Variants in TAF4 observed in about 807,000 individuals in gnomAD.
The protein encoded by TAF4 is transcription initiation factor TFIID subunit 4.
TAF4 carries 9 observed loss-of-function variants against 90.3 expected under a neutral mutation model. The observed-to-expected ratio is 0.10, with a 90% CI of 0.06 to 0.17. The LOEUF (loss-of-function observed/expected upper bound fraction) is 0.17, where lower values mean the gene tolerates loss of function less well. TAF4 is among the 10% of genes least tolerant of loss of function. The probability of loss-of-function intolerance (pLI) is 1.00; values close to 1 mark genes in which losing one functional copy is unlikely to be tolerated. For missense variants in TAF4, 1,351 were observed against 1,370.7 expected, an observed-to-expected ratio of 0.99 and a Z score of 0.23; for synonymous variants, 818 against 638.9, an observed-to-expected ratio of 1.28 and a Z score of -4.23.
intron 1 of TAF4, among the ~76,000 whole-genome samples, chr20:62,046,446 T>C (rs1262839459): frequency 1.3e-5 from 2 of 152,248 alleles, no homozygotes; most frequent in African/African-American, 2.4e-5. Flanking sequence ...AATGAAATTG[T>C]GCGATAGGCG....
At chr20:62,038,975 C>G (rs1236802501) in intron 1 of TAF4, among the ~76,000 whole-genome samples, 1 of 152,192 alleles carries the variant, frequency 6.6e-6, no homozygotes, top group East Asian at 1.9e-4. Flanking sequence ...CTCACTTGAA[C>G]CCGGGAGTCG....
chr20:62,021,533 G>A (rs2055843065), intron 1 of TAF4, among the ~76,000 whole-genome samples: 1 of 152,250 alleles, frequency 6.6e-6, no homozygotes, highest in Non-Finnish European at 1.5e-5. Context: ...AGGGCCGTGC[G>A]CGCCCAACGC....
At chr20:62,025,711 A>G (rs1004773012) in intron 1 of TAF4, among the ~76,000 whole-genome samples, 2 of 152,202 alleles carry the variant, frequency 1.3e-5, no homozygotes, top group African/African-American at 4.8e-5. Flanking sequence ...TCTTTCCTTT[A>G]TAAGTCACCC....
Position 62,006,916 on chromosome 20 carries a change from A to G in TAF4, c.1975-158T>C. 1.0e-6 allele frequency: 1 copy of G among 1,003,732 alleles called. No individual in the cohort carries two copies. Among genetic ancestry groups the G allele is most frequent in the South Asian group, 4.0e-5 (1 of 25,084 alleles). 62.2% of individuals were successfully genotyped at this position (1,003,732 alleles called of 1,614,324 possible). A position where few individuals can be genotyped will look rare whatever the true frequency, so the allele number is the denominator to read the frequency against. On this transcript the variant is annotated intron_variant, in intron 6 of 14. Coordinates refer to ENST00000252996, the MANE Select transcript of TAF4 (RefSeq NM_003185.4). This position sits in a 1 kb window ranked among gnomAD's most constrained non-coding sequence, Gnocchi z 7.0. ...GCATGTCTGGATGTCAAGGGCCAGG[A>G]CCCCATCCTGCCCTCCCACTAAGTG...
chr20:62,013,180 A>T (rs2055789490), intron 2 of TAF4, among the ~76,000 whole-genome samples: 1 of 152,262 alleles, frequency 6.6e-6, no homozygotes, highest in Non-Finnish European at 1.5e-5. Context: ...ACAAAAGGTC[A>T]TCTCTGAAGA....
intron 1 of TAF4, among the ~76,000 whole-genome samples, chr20:62,030,676 A>G (rs2055899822): frequency 6.6e-6 from 1 of 152,260 alleles, no homozygotes. Flanking sequence ...TAACATGCTT[A>G]GAGTAATAAT....
chr20:62,000,949 G>A (rs919386029), intron 9 of TAF4, among the ~76,000 whole-genome samples: 4 of 152,012 alleles, frequency 2.6e-5, no homozygotes, highest in Admixed American at 1.3e-4. Context: ...AGTTGGCGCC[G>A]GGTTAACATC....
At chr20:61,990,810 G>A (rs1035738592) in intron 14 of TAF4, among the ~76,000 whole-genome samples, 9 of 152,308 alleles carry the variant, frequency 5.9e-5, no homozygotes, top group East Asian at 5.8e-4. Context: ...AGCCACAGAC[G>A]CTGAGGACTC....
In TAF4 at chr20:62,047,903, G is replaced by A. The variant is rs6061986; in HGVS notation, c.1360+16548C>T. ...TAAACACCAGCACCCGGGATTCCTCGCCGAGATGTTCAAACACGGGCGCTG... is the reference window on the plus strand; with the variant it reads ...TAAACACCAGCACCCGGGATTCCTCACCGAGATGTTCAAACACGGGCGCTG... On this transcript the variant is annotated intron_variant, in intron 1 of 14. Coordinates refer to ENST00000252996, the MANE Select transcript of TAF4 (RefSeq NM_003185.4). 6.8e-3 allele frequency among the ~76,000 whole-genome samples: 1,038 copies of A among 152,264 alleles called. 16 individuals are homozygous for A. The highest frequency in any genetic ancestry group is 0.024 in the African/African-American group (979 of 41,528).
intron 1 of TAF4, among the ~76,000 whole-genome samples, chr20:62,048,849 C>T (rs1384228747): frequency 6.8e-6 from 1 of 146,340 alleles, no homozygotes; most frequent in Non-Finnish European, 1.5e-5. Flanking sequence ...CCCCAGCCCT[C>T]TCCCCACATG....
chr20:62,004,006 A>G, intron 7 of TAF4, 128 bp from the exon 8 acceptor site: 1 of 1,196,498 alleles, frequency 8.4e-7, no homozygotes, highest in Non-Finnish European at 1.1e-6. Context: ...TCCTAGGAAG[A>G]CCCCGTGTGC....
At chr20:62,024,867 G>A (rs4925216) in intron 1 of TAF4, among the ~76,000 whole-genome samples, 68,248 of 150,264 alleles carry the variant, frequency 0.45, 16,587 homozygotes, top group Middle Eastern at 0.61. Context: ...GAGACTCCGC[G>A]TCTCAAAAAA....
intron 1 of TAF4, among the ~76,000 whole-genome samples, chr20:62,039,298 C>A (rs567639749): frequency 6.6e-6 from 1 of 152,138 alleles, no homozygotes; most frequent in Non-Finnish European, 1.5e-5. Flanking sequence ...CGTCCTCACA[C>A]GTGGCCGACT....
At chr20:62,014,416 T>C in intron 2 of TAF4, 131 bp downstream of exon 2, 1 of 1,227,940 alleles carries the variant, frequency 8.1e-7, no homozygotes, top group Non-Finnish European at 1.1e-6. Flanking sequence ...CGGATGGGAC[T>C]GGGACGCCGC....
chr20:62,017,912 T>C (rs1600846052), intron 1 of TAF4, among the ~76,000 whole-genome samples: 1 of 149,958 alleles, frequency 6.7e-6, no homozygotes, highest in Non-Finnish European at 1.5e-5. Context: ...AAAATAGCAA[T>C]GTGGTTAAAA....
intron 14 of TAF4, among the ~76,000 whole-genome samples, chr20:61,977,873 A>C (rs2055505995): frequency 6.6e-6 from 1 of 152,172 alleles, no homozygotes; most frequent in Non-Finnish European, 1.5e-5. Flanking sequence ...ACCTGCTATA[A>C]ATTCCGGACT....
At chr20:62,045,984 A>G (rs775607833) in intron 1 of TAF4, among the ~76,000 whole-genome samples, 9 of 152,236 alleles carry the variant, frequency 5.9e-5, no homozygotes, top group Non-Finnish European at 1.3e-4. Context: ...AAAGAAATGC[A>G]AAGTTCCACA....
Position 62,065,133 on chromosome 20 carries a change from C to G in TAF4, c.678G>C (p.Leu226=). ...CGGGGGCGGCGGGCTTGGGCAGCGG[C>G]AGCAGCGCGGCGGGCCCGTTGTTGA... ...SLVNNGPAAL[L]PLPKPAAPGT... is the part of the protein sequence containing the mutation. The change falls in exon 1 of 15, where the codon CTG becomes CTC. Residue 226 remains leucine (L), a synonymous_variant. Coordinates refer to ENST00000252996, the MANE Select transcript of TAF4 (RefSeq NM_003185.4). The G allele has an allele frequency of 8.5e-7, 1 of 1,172,152 alleles. No homozygotes were observed. The highest frequency in any genetic ancestry group is 1.1e-6 in the Non-Finnish European group (1 of 928,620). 72.6% of individuals were successfully genotyped at this position (1,172,152 alleles called of 1,614,324 possible).
intron 14 of TAF4, among the ~76,000 whole-genome samples, chr20:61,982,926 A>T (rs1433773226): frequency 6.6e-6 from 1 of 151,978 alleles, no homozygotes; most frequent in Non-Finnish European, 1.5e-5. Context: ...AACAGAAAAG[A>T]CTTCTGAGCC....
Sources: allele counts gnomAD v4.1 joint callset (sites outside exome capture counted in the v4.1 genomes callset), GRCh38; gene constraint gnomAD v4.1.1; non-coding constraint Gnocchi (gnomAD v3.1); transcripts MANE v1.5; gene names NCBI Gene and HGNC (gene_info 2026-07-23, HGNC 2026-07-21).